Variants in ERBB4 observed in about 807,000 individuals in gnomAD.
ERBB4 encodes the protein receptor tyrosine-protein kinase erbB-4.
Under a neutral mutation model 158.0 loss-of-function variants are expected in ERBB4, and 42 were observed. That is an observed-to-expected ratio of 0.27 (90% CI 0.21 to 0.34). The LOEUF (loss-of-function observed/expected upper bound fraction) is 0.34, where lower values mean the gene tolerates loss of function less well. ERBB4 is among the 10% of genes least tolerant of loss of function. The pLI, the probability that ERBB4 is intolerant of heterozygous loss-of-function variation, is 1.00. For missense variants in ERBB4, 1,333 were observed against 1,624.1 expected (o/e 0.82, Z 3.08); for synonymous variants, 583 against 558.7 (o/e 1.04, Z -0.61).
intron 19 of ERBB4, among the ~76,000 whole-genome samples, chr2:211,562,850 C>A (rs1053016380): frequency 6.9e-6 from 1 of 145,472 alleles, no homozygotes; most frequent in African/African-American, 2.6e-5. Context: ...CGGCTCACTG[C>A]AAGCTCCGCC....
At chr2:211,649,176 T>C (rs535330685) in intron 16 of ERBB4, among the ~76,000 whole-genome samples, 19 of 151,844 alleles carry the variant, frequency 1.3e-4, no homozygotes, top group Non-Finnish European at 2.1e-4. Flanking sequence ...GAAGTAGGCT[T>C]AATAGCTAAA....
At chr2:212,483,426 G>A (rs1689808480) in intron 1 of ERBB4, among the ~76,000 whole-genome samples, 1 of 152,058 alleles carries the variant, frequency 6.6e-6, no homozygotes, top group Admixed American at 6.6e-5. Context: ...TTTTCCTAAT[G>A]TTAGACTTTT....
At position 211,773,639 on chromosome 2, in the gene ERBB4, TA is replaced by T. The variant is rs1252448434; in HGVS notation, c.556+14385del. Among the ~76,000 whole-genome samples, 234 of 86,848 alleles carry T rather than the reference TA, an allele frequency of 2.7e-3. 5 individuals carry two copies. Among genetic ancestry groups the T allele is most frequent in the Middle Eastern group, 0.018 (3 of 166 alleles). The allele number at this position is 86,848 out of a possible 152,430, so 57.0% of individuals were successfully genotyped here. A position where few individuals can be genotyped will look rare whatever the true frequency, so the allele number is the denominator to read the frequency against. On this transcript the variant is annotated intron_variant, in intron 4 of 27. Coordinates refer to ENST00000342788, the MANE Select transcript of ERBB4 (RefSeq NM_005235.3). ...ATATATATATATATATATATATATATATATATATAATATATATACACACACA... is the reference window on the plus strand; with the variant it reads ...ATATATATATATATATATATATATATTATATATAATATATATACACACACA...
At chr2:212,131,369 C>T (rs1241331513) in intron 1 of ERBB4, among the ~76,000 whole-genome samples, 2 of 152,190 alleles carry the variant, frequency 1.3e-5, no homozygotes, top group South Asian at 2.1e-4. Context: ...ATTAAACTTA[C>T]TGCAAAATCC....
chr2:212,440,521 A>G (rs1574921706), intron 1 of ERBB4, among the ~76,000 whole-genome samples: 1 of 152,114 alleles, frequency 6.6e-6, no homozygotes, highest in African/African-American at 2.4e-5. Flanking sequence ...TATTAGTTCT[A>G]TCCCTCTAGA....
chr2:211,444,914 A>T (rs1236010181), intron 20 of ERBB4, among the ~76,000 whole-genome samples: 2 of 152,150 alleles, frequency 1.3e-5, no homozygotes, highest in Admixed American at 6.6e-5. Flanking sequence ...AAAAACTAAC[A>T]AAAGTGGAAT....
intron 1 of ERBB4, among the ~76,000 whole-genome samples, chr2:212,327,646 G>T (rs971305894): frequency 8.6e-5 from 13 of 151,294 alleles, no homozygotes; most frequent in Non-Finnish European, 1.8e-4. Context: ...GGAAGAGGAA[G>T]TAACTGCAAG....
At position 211,431,064 on chromosome 2, in the gene ERBB4, G is replaced by A. The variant is rs1240072004; in HGVS notation, c.2524C>T (p.Arg842Trp). Residue 842 changes from arginine (R) to tryptophan (W), a missense_variant, in exon 21 of 28, where the codon CGG becomes TGG. Arg to Trp is a moderately radical substitution (Grantham distance 101). This residue lies in a region of ERBB4 where 314 missense variants were observed against 437.6 expected (regional missense o/e 0.72). Transcript: ENST00000342788. ...MYLEERRLVH[R>W]DLAARNVLVK... ...AAGACATTACGGGCTGCCAAATCCCGATGAACGAGTCGTCTTTCTTCCAGG... is the reference window on the plus strand; with the variant it reads ...AAGACATTACGGGCTGCCAAATCCCAATGAACGAGTCGTCTTTCTTCCAGG... 5 of 1,613,832 alleles carry A rather than the reference G, an allele frequency of 3.1e-6. No individual in the cohort carries two copies. Among genetic ancestry groups the A allele is most frequent in the South Asian group, 1.1e-5 (1 of 91,074 alleles).
chr2:212,417,020 A>G (rs1008500315), intron 1 of ERBB4, among the ~76,000 whole-genome samples: 10 of 152,044 alleles, frequency 6.6e-5, no homozygotes, highest in African/African-American at 2.4e-4. Context: ...TATACTACCT[A>G]AAGGAGAGGG....
chr2:212,152,972 G>A (rs1363316916), intron 1 of ERBB4, among the ~76,000 whole-genome samples: 1 of 152,148 alleles, frequency 6.6e-6, no homozygotes, highest in Non-Finnish European at 1.5e-5. Context: ...AATCTCACGG[G>A]AACAGGTCCC....
chr2:211,772,836 CACAT>C (rs1559504216), intron 4 of ERBB4, among the ~76,000 whole-genome samples: 6 of 7,244 alleles, frequency 8.3e-4, no homozygotes, highest in South Asian at 4.9e-3. Context: ...TATATATATA[CACAT>C]ATATATATAT....
At chr2:211,393,706 AAAG>A (rs1347961676) in intron 25 of ERBB4, among the ~76,000 whole-genome samples, 1 of 151,752 alleles carries the variant, frequency 6.6e-6, no homozygotes, top group Non-Finnish European at 1.5e-5. Flanking sequence ...CATAAACTGG[AAAG>A]AAGGAAACTT....
chr2:212,297,929 G>T (rs2086474704), intron 1 of ERBB4, among the ~76,000 whole-genome samples: 1 of 151,592 alleles, frequency 6.6e-6, no homozygotes, highest in South Asian at 2.1e-4. Flanking sequence ...AATAAAGTAA[G>T]TTCAATATAG....
chr2:212,504,500 G>GA (rs540608463), intron 1 of ERBB4, among the ~76,000 whole-genome samples: 7 of 147,044 alleles, frequency 4.8e-5, no homozygotes, highest in South Asian at 2.1e-4. Context: ...TAGAGAAATA[G>GA]AAAAAAAAAA....
chr2:211,635,534 T>A (rs2070325548), intron 16 of ERBB4, among the ~76,000 whole-genome samples: 1 of 152,288 alleles, frequency 6.6e-6, no homozygotes, highest in East Asian at 1.9e-4. Flanking sequence ...AGAGGACACA[T>A]GAAACCTTAG....
chr2:212,044,520 G>T lies in ERBB4; in HGVS notation c.234+80232C>A, dbSNP rs145550143. 4.3e-3 allele frequency among the ~76,000 whole-genome samples: 660 copies of T among 152,100 alleles called. 24 individuals are homozygous for T. The highest frequency in any genetic ancestry group is 0.042 in the Admixed American group (634 of 15,258). On this transcript the variant is annotated intron_variant, in intron 2 of 27. Coordinates refer to ENST00000342788, the MANE Select transcript of ERBB4 (RefSeq NM_005235.3). ...TCACAATGAATTATTATAACTAATG[G>T]TTTCTATTTTTTTCTCCCACATTCA...
rs148457963 is a variant in ERBB4 at position 211,516,393 on chromosome 2, G to T, written c.2487+45510C>A. ...CTGTTGCCCAGGCTGGAGTGCAGTG[G>T]TACAATCTTGGCTCAGTGCAACCTC... On this transcript the variant is annotated intron_variant, in intron 20 of 27. Transcript: ENST00000342788. Among the ~76,000 whole-genome samples, 1,244 of 151,038 alleles carry T rather than the reference G, an allele frequency of 8.2e-3. 14 individuals are homozygous for T. The highest frequency in any genetic ancestry group is 0.029 in the African/African-American group (1,177 of 41,078).
intron 2 of ERBB4, among the ~76,000 whole-genome samples, chr2:211,992,291 C>T (rs2082091528): frequency 6.6e-6 from 1 of 152,096 alleles, no homozygotes; most frequent in East Asian, 1.9e-4. Flanking sequence ...GCACTTCTTA[C>T]ATGGCAGCAG....
intron 20 of ERBB4, among the ~76,000 whole-genome samples, chr2:211,490,552 C>A (rs544708071): frequency 6.6e-6 from 1 of 151,906 alleles, no homozygotes. Context: ...TATAACTCAC[C>A]TATTGTAAAT....
Sources: allele counts gnomAD v4.1 joint callset (sites outside exome capture counted in the v4.1 genomes callset), GRCh38; gene constraint gnomAD v4.1.1; regional missense constraint gnomAD v4.1.1; transcripts MANE v1.5; gene names NCBI Gene and HGNC (gene_info 2026-07-23, HGNC 2026-07-21).